Variants in GABBR1 observed in about 807,000 individuals in gnomAD.
The protein encoded by GABBR1 is gamma-aminobutyric acid type B receptor subunit 1, also known as GABA-B receptor, R1 subunit.
In GABBR1, 35 loss-of-function variants were observed where a neutral mutation model predicts 117.7. The observed-to-expected ratio is 0.30, with a 90% CI of 0.23 to 0.39. The LOEUF (loss-of-function observed/expected upper bound fraction) is 0.39. GABBR1 is among the 10% of genes least tolerant of loss of function. The pLI is 1.00. For missense variants in GABBR1, 709 were observed against 1,241.8 expected, an observed-to-expected ratio of 0.57 and a Z score of 6.45; for synonymous variants, 442 against 486.6, an observed-to-expected ratio of 0.91 and a Z score of 1.21.
chr6:29,630,392 C>T lies in GABBR1; in HGVS notation c.475+66G>A, dbSNP rs1027706032. ...TCTCCATTCTTTCCCATTATCCATT[C>T]CCACCCCACTCCCATCCTCACACAA... On this transcript the variant is annotated intron_variant, in intron 4 of 22. Transcript: ENST00000377034. The surrounding 1 kb of genome is among the most constrained non-coding windows in gnomAD (Gnocchi z 4.9). 66 of 1,398,414 alleles carry T rather than the reference C, an allele frequency of 4.7e-5. No individual in the cohort carries two copies. In the Middle Eastern group the frequency reaches 1.2e-3, roughly 25 times the overall value. 86.6% of individuals were successfully genotyped at this position (1,398,414 alleles called of 1,614,324 possible). A position where few individuals can be genotyped will look rare whatever the true frequency, so the allele number is the denominator to read the frequency against.
At position 29,603,266 on chromosome 6, in the gene GABBR1, G is replaced by T. The variant is rs369622535; in HGVS notation, c.*277C>A. On this transcript the variant is annotated 3_prime_UTR_variant, in exon 23 of 23. Transcript: ENST00000377034. Reference sequence around the variant, plus strand: ...GCAGTGAGGCTGCTGAGGAGGCAGCGTGTGAGCAGTGAGCAGCTTCAAGCC... The same window carrying T: ...GCAGTGAGGCTGCTGAGGAGGCAGCTTGTGAGCAGTGAGCAGCTTCAAGCC... The T allele has an allele frequency of 1.6e-6, 1 of 634,590 alleles. No individual in the cohort carries two copies. Among genetic ancestry groups the T allele is most frequent in the South Asian group, 1.5e-5 (1 of 66,164 alleles). 39.3% of individuals were successfully genotyped at this position (634,590 alleles called of 1,614,324 possible).
At chr6:29,628,628 G>C (rs1031229376) in intron 5 of GABBR1, among the ~76,000 whole-genome samples, 2 of 151,974 alleles carry the variant, frequency 1.3e-5, no homozygotes, top group African/African-American at 4.8e-5. Context: ...GAAAAGATGT[G>C]GGGAAGAGCG....
intron 5 of GABBR1, 79 bp downstream of exon 5, chr6:29,629,008 G>T (rs1764676281): frequency 6.4e-7 from 1 of 1,552,820 alleles, no homozygotes; most frequent in Non-Finnish European, 8.9e-7. Context: ...TAGCCTAAGG[G>T]CAGAATTTCA....
At chr6:29,628,869 C>T (rs992400348) in intron 5 of GABBR1, among the ~76,000 whole-genome samples, 10 of 151,536 alleles carry the variant, frequency 6.6e-5, no homozygotes, top group Non-Finnish European at 1.5e-4. Flanking sequence ...GGAAGTGTAG[C>T]CAAGCAGGGA....
At chr6:29,628,924 G>A (rs1180571216) in intron 5 of GABBR1, among the ~76,000 whole-genome samples, 163 bp downstream of exon 5, 1 of 151,028 alleles carries the variant, frequency 6.6e-6, no homozygotes, top group East Asian at 2.0e-4. Context: ...CTGGAGGCAG[G>A]AAACAGGTAG....
rs1334917220 is a variant in GABBR1, at chr6:29,613,191, G to T, written c.1566+52C>A. 2 of 1,585,478 alleles carry T rather than the reference G, an allele frequency of 1.3e-6. No individual in the cohort carries two copies. Among genetic ancestry groups the T allele is most frequent in the East Asian group, 2.2e-5 (1 of 44,552 alleles). On this transcript the variant is annotated intron_variant, in intron 12 of 22. Transcript: ENST00000377034. The surrounding 1 kb of genome is among the most constrained non-coding windows in gnomAD (Gnocchi z 4.1). ...TGTTTGTAGAAGGTGCCTCTTGGGA[G>T]TCTCTCTCAAGATTGGGAAGACAGG...
At position 29,606,384 on chromosome 6, in the gene GABBR1, C is replaced by T. The variant is rs750249209; in HGVS notation, c.2311+7G>A. ...TCCCTGCCCTCCTTTGCCCACATCC[C>T]ACACACCAAGCCATGTATTCATCTT... is the stretch of plus-strand genomic sequence containing the variant. On this transcript the variant is annotated splice_region_variant and intron_variant, in intron 19 of 22. Coordinates refer to ENST00000377034, the MANE Select transcript of GABBR1 (RefSeq NM_001470.4). This position sits in a 1 kb window ranked among gnomAD's most constrained non-coding sequence, Gnocchi z 4.5. 26 of 1,607,972 alleles carry T rather than the reference C, an allele frequency of 1.6e-5. No individual in the cohort carries two copies. The highest frequency in any genetic ancestry group is 2.1e-5 in the Non-Finnish European group (25 of 1,175,366).
Position 29,622,153 on chromosome 6 carries a change from A to G in GABBR1, c.1016T>C (p.Phe339Ser). ...TGGATCTGAGAAGAAACTCTGGCGG[A>G]AAGTAATCTCAATTCCAGCCTCCTT... is the stretch of plus-strand genomic sequence containing the variant. ...RVKEAGIEITFRQSFFSDPAV... is the reference protein window; with the variant it reads ...RVKEAGIEITSRQSFFSDPAV... The change falls in exon 9 of 23, where the codon TTC becomes TCC. Residue 339 changes from phenylalanine to serine, a missense_variant. Coordinates refer to ENST00000377034, the MANE Select transcript of GABBR1 (RefSeq NM_001470.4). The surrounding 1 kb of genome is among the most constrained non-coding windows in gnomAD (Gnocchi z 4.6). 1 of 1,614,208 alleles carries G rather than the reference A, an allele frequency of 6.2e-7. No individual in the cohort carries two copies. The highest frequency in any genetic ancestry group is 2.2e-5 in the East Asian group (1 of 44,884).
rs767538241 is a variant in GABBR1, at chr6:29,604,098, C to T, written c.2713-382G>A. Among the ~76,000 whole-genome samples the T allele has an allele frequency of 4.6e-5, 7 of 152,068 alleles. No individual in the cohort carries two copies. The highest frequency in any genetic ancestry group is 9.7e-5 in the African/African-American group (4 of 41,398). On this transcript the variant is annotated intron_variant, in intron 22 of 22. Coordinates refer to ENST00000377034, the MANE Select transcript of GABBR1 (RefSeq NM_001470.4). The surrounding 1 kb of genome is among the most constrained non-coding windows in gnomAD (Gnocchi z 5.3). ...TAATGACAGCCTGGGGCACAGTGAA[C>T]GCCTGCCCAGGTCCTTTATGCTGGG... is the stretch of plus-strand genomic sequence containing the variant.
Position 29,627,936 on chromosome 6 carries a change from A to C in GABBR1, c.497-290T>G, listed in dbSNP as rs761591060. ...GAGGGGGCGAGGGCCCCGGAGAAGCAGGGAAGGTTGGCTTCCTACGGCCCC... is the reference window on the plus strand; with the variant it reads ...GAGGGGGCGAGGGCCCCGGAGAAGCCGGGAAGGTTGGCTTCCTACGGCCCC... On this transcript the variant is annotated intron_variant, in intron 5 of 22. Coordinates refer to ENST00000377034, the MANE Select transcript of GABBR1 (RefSeq NM_001470.4). This position sits in a 1 kb window ranked among gnomAD's most constrained non-coding sequence, Gnocchi z 4.4. The C allele has an allele frequency of 7.4e-7, 1 of 1,356,390 alleles. No individual in the cohort carries two copies. The highest frequency in any genetic ancestry group is 1.9e-5 in the South Asian group (1 of 52,544). The allele number at this position is 1,356,390 out of a possible 1,614,324, so 84.0% of individuals were successfully genotyped here. A position where few individuals can be genotyped will look rare whatever the true frequency, so the allele number is the denominator to read the frequency against.
intron 5 of GABBR1, chr6:29,628,008 C>A: frequency 5.4e-6 from 7 of 1,304,038 alleles, no homozygotes; most frequent in Non-Finnish European, 6.8e-6. Flanking sequence ...TCCTCGCGGA[C>A]TGACTGACCG....
In GABBR1 at chr6:29,627,734, T is replaced by C. The variant is rs1295119023; in HGVS notation, c.497-88A>G. 6 of 1,510,062 alleles carry C rather than the reference T, an allele frequency of 4.0e-6. No homozygotes were observed. Among genetic ancestry groups the C allele is most frequent in the Non-Finnish European group, 5.3e-6 (6 of 1,133,352 alleles). The allele number at this position is 1,510,062 out of a possible 1,614,324, so 93.5% of individuals were successfully genotyped here. On this transcript the variant is annotated intron_variant, in intron 5 of 22. Coordinates refer to ENST00000377034, the MANE Select transcript of GABBR1 (RefSeq NM_001470.4). This position sits in a 1 kb window ranked among gnomAD's most constrained non-coding sequence, Gnocchi z 4.4. Reference sequence around the variant, plus strand: ...CACACCGGAGCCACCCCTGCCGCCATCACAACCAGAAGCGGCAGTGGCCAC... The same window carrying C: ...CACACCGGAGCCACCCCTGCCGCCACCACAACCAGAAGCGGCAGTGGCCAC...
At chr6:29,625,201 T>C (rs1435217236) in intron 6 of GABBR1, among the ~76,000 whole-genome samples, 2 of 152,040 alleles carry the variant, frequency 1.3e-5, no homozygotes, top group African/African-American at 4.8e-5. Context: ...TCAACAACAT[T>C]GGAAGGTTTT....
Position 29,627,627 on chromosome 6 carries a change from G to A in GABBR1, c.516C>T (p.Ile172=). The change falls in exon 6 of 23, where the codon ATC becomes ATT. Residue 172 remains isoleucine, a synonymous_variant. Coordinates refer to ENST00000377034, the MANE Select transcript of GABBR1 (RefSeq NM_001470.4). This position sits in a 1 kb window ranked among gnomAD's most constrained non-coding sequence, Gnocchi z 4.4. ...CCCCGCTCATGGGAAACAGTGCCCC[G>A]ATGTACACTGCGCGCCGTTCTGAGG... ...TPHSERRAVY[I]GALFPMSGGW... is the part of the protein sequence containing the mutation. 1 of 1,558,848 alleles carries A rather than the reference G, an allele frequency of 6.4e-7. No homozygotes were observed. Among genetic ancestry groups the A allele is most frequent in the Admixed American group, 1.8e-5 (1 of 54,210 alleles).
chr6:29,603,480 G>A lies in GABBR1; in HGVS notation c.*63C>T. The A allele has an allele frequency of 6.9e-7, 1 of 1,439,788 alleles. No homozygotes were observed. The highest frequency in any genetic ancestry group is 9.5e-7 in the Non-Finnish European group (1 of 1,047,756). The allele number at this position is 1,439,788 out of a possible 1,614,324, so 89.2% of individuals were successfully genotyped here. Reference sequence around the variant, plus strand: ...GGGATGGGGACCCCCTGCTTCCTGAGTCCCCTGCCCTTCCCCTCTCCCTTT... The same window carrying A: ...GGGATGGGGACCCCCTGCTTCCTGAATCCCCTGCCCTTCCCCTCTCCCTTT... On this transcript the variant is annotated 3_prime_UTR_variant, in exon 23 of 23. Transcript: ENST00000377034.
intron 4 of GABBR1, 187 bp from the exon 5 acceptor site, chr6:29,629,294 T>C: frequency 1.4e-6 from 1 of 708,530 alleles, no homozygotes; most frequent in Non-Finnish European, 2.6e-6. Context: ...GGTCAGGACT[T>C]ATTTTCTTCT....
At position 29,606,249 on chromosome 6, in the gene GABBR1, T is replaced by A. The variant is rs1761943095; in HGVS notation, c.2311+142A>T. On this transcript the variant is annotated intron_variant, in intron 19 of 22. Coordinates refer to ENST00000377034, the MANE Select transcript of GABBR1 (RefSeq NM_001470.4). This position sits in a 1 kb window ranked among gnomAD's most constrained non-coding sequence, Gnocchi z 4.5. ...CTATTCTCAGAAAAGATTAGTGCAA[T>A]AACAAAGAGTAGGGTGTTCAAACTG... The A allele has an allele frequency of 1.5e-6, 1 of 679,158 alleles. No homozygotes were observed. 42.1% of individuals were successfully genotyped at this position (679,158 alleles called of 1,614,324 possible).
In GABBR1 at chr6:29,613,022, G is replaced by C. The variant is rs1198531079; in HGVS notation, c.1566+221C>G. ...ATGAATACTTGGTCTAGTTTGAAAA[G>C]AAATGAGGGGAGGGGTTTAAAAAAA... On this transcript the variant is annotated intron_variant, in intron 12 of 22. Transcript: ENST00000377034. The surrounding 1 kb of genome is among the most constrained non-coding windows in gnomAD (Gnocchi z 4.1). 6.6e-6 allele frequency among the ~76,000 whole-genome samples: 1 copy of C among 152,196 alleles called. No homozygotes were observed. The highest frequency in any genetic ancestry group is 2.4e-5 in the African/African-American group (1 of 41,450).
rs1562079134 is a variant in GABBR1 at position 29,606,332 on chromosome 6, CCCTGCCTTCCCT to C, written c.2311+47_2311+58del. ...ACCCCTCTCCCTCCAAGCCCTCTAC[CCCTGCCTTCCCT>C]CCTGCCTTTGTGCATCCCTGCCCTC... On this transcript the variant is annotated intron_variant, in intron 19 of 22. Coordinates refer to ENST00000377034, the MANE Select transcript of GABBR1 (RefSeq NM_001470.4). The surrounding 1 kb of genome is among the most constrained non-coding windows in gnomAD (Gnocchi z 4.5). 2.4e-6 allele frequency: 3 copies of C among 1,266,234 alleles called. No homozygotes were observed. The highest frequency in any genetic ancestry group is 2.9e-5 in the African/African-American group (2 of 68,070). 78.4% of individuals were successfully genotyped at this position (1,266,234 alleles called of 1,614,324 possible). A position where few individuals can be genotyped will look rare whatever the true frequency, so the allele number is the denominator to read the frequency against.
Sources: gnomAD v4.1 joint callset for allele counts (sites outside exome capture counted in the v4.1 genomes callset) on GRCh38, gnomAD v4.1.1 for gene constraint, Gnocchi (gnomAD v3.1) non-coding constraint, MANE v1.5 for transcripts, NCBI Gene and HGNC (gene_info 2026-07-23, HGNC 2026-07-21) for gene names.